Variants in KCNQ5 observed in about 807,000 individuals in gnomAD.
KCNQ5 encodes the protein potassium voltage-gated channel subfamily KQT member 5.
Under a neutral mutation model 98.2 loss-of-function variants are expected in KCNQ5, and 30 were observed. The observed-to-expected ratio is 0.31, with a 90% CI of 0.23 to 0.41. KCNQ5 has a LOEUF of 0.41. Ranked by LOEUF, KCNQ5 falls within the 10% of genes least tolerant of loss-of-function variation. KCNQ5 has a pLI of 1.00. For synonymous variants in KCNQ5, 458 were observed against 449.4 expected, an observed-to-expected ratio of 1.02 and a Z score of -0.24; for missense variants, 835 against 1,182.5, an observed-to-expected ratio of 0.71 and a Z score of 4.31.
Position 72,684,824 on chromosome 6 carries a change from G to C in KCNQ5, c.398+62237G>C, listed in dbSNP as rs750429321. 2.0e-5 allele frequency among the ~76,000 whole-genome samples: 3 copies of C among 152,192 alleles called. No homozygotes were observed. In the South Asian group the frequency reaches 6.2e-4, roughly 32 times the overall value. ...CTGGCATATGATAAAGAATGTGTGTGTATGCATTTGTGTCTGTGTGTGTGT... is the reference window on the plus strand; with the variant it reads ...CTGGCATATGATAAAGAATGTGTGTCTATGCATTTGTGTCTGTGTGTGTGT... On this transcript the variant is annotated intron_variant, in intron 1 of 13. Transcript: ENST00000370398.
chr6:72,995,846 C>T (rs1200101557), intron 1 of KCNQ5, among the ~76,000 whole-genome samples: 1 of 152,118 alleles, frequency 6.6e-6, no homozygotes, highest in African/African-American at 2.4e-5. Flanking sequence ...TCAATGGCGT[C>T]ATTTAGTTCT....
chr6:72,951,340 G>A (rs1054717579), intron 1 of KCNQ5, among the ~76,000 whole-genome samples: 6 of 151,942 alleles, frequency 3.9e-5, no homozygotes, highest in Non-Finnish European at 1.5e-5. Context: ...GCAGTGGTGC[G>A]ATCTCAGCTC....
chr6:73,191,512 G>A (rs148018076), intron 12 of KCNQ5, among the ~76,000 whole-genome samples: 192 of 152,230 alleles, frequency 1.3e-3, no homozygotes, highest in African/African-American at 4.3e-3. Flanking sequence ...TTTATTACCA[G>A]CACAAATTAC....
chr6:72,879,752 T>G (rs1169522462), intron 1 of KCNQ5, among the ~76,000 whole-genome samples: 6 of 152,170 alleles, frequency 3.9e-5, no homozygotes, highest in African/African-American at 1.4e-4. Context: ...TTGGAGGGGT[T>G]TTTTTGTGTG....
chr6:72,945,212 A>C (rs1295764246), intron 1 of KCNQ5, among the ~76,000 whole-genome samples: 1 of 152,170 alleles, frequency 6.6e-6, no homozygotes, highest in East Asian at 1.9e-4. Context: ...ATAATTTCCT[A>C]CAAATTTAAG....
At chr6:72,966,532 C>T (rs910858731) in intron 1 of KCNQ5, among the ~76,000 whole-genome samples, 2 of 151,892 alleles carry the variant, frequency 1.3e-5, no homozygotes, top group African/African-American at 4.8e-5. Flanking sequence ...CACCACACTG[C>T]ACTTCAGCCT....
chr6:72,730,113 C>T (rs922756628), intron 1 of KCNQ5, among the ~76,000 whole-genome samples: 1 of 152,254 alleles, frequency 6.6e-6, no homozygotes, highest in Admixed American at 6.5e-5. Flanking sequence ...GCTATGATCA[C>T]ACCACTGCAC....
At chr6:72,906,717 CT>C (rs1398284083) in intron 1 of KCNQ5, among the ~76,000 whole-genome samples, 1 of 152,250 alleles carries the variant, frequency 6.6e-6, no homozygotes, top group African/African-American at 2.4e-5. Context: ...CCCTTTCCCA[CT>C]TCCACATTTG....
intron 2 of KCNQ5, among the ~76,000 whole-genome samples, chr6:73,007,364 G>A (rs563673344): frequency 3.0e-4 from 46 of 152,082 alleles, no homozygotes; most frequent in Non-Finnish European, 4.9e-4. Context: ...TTAGCTGTGC[G>A]ACTTGGAAAA....
intron 10 of KCNQ5, among the ~76,000 whole-genome samples, chr6:73,149,320 G>A (rs990065074): frequency 6.6e-6 from 1 of 152,152 alleles, no homozygotes; most frequent in Non-Finnish European, 1.5e-5. Context: ...AAGATTTTTG[G>A]TTTTACCAAA....
At chr6:72,705,298 G>A (rs189192464) in intron 1 of KCNQ5, among the ~76,000 whole-genome samples, 3 of 152,196 alleles carry the variant, frequency 2.0e-5, no homozygotes, top group East Asian at 1.9e-4. Context: ...AGGTTAAACC[G>A]CAGAAAATAA....
At chr6:72,929,089 A>G (rs1006027127) in intron 1 of KCNQ5, among the ~76,000 whole-genome samples, 13 of 152,156 alleles carry the variant, frequency 8.5e-5, no homozygotes, top group Non-Finnish European at 1.5e-4. Context: ...CTAACCTCAT[A>G]AATGCTGACC....
At chr6:72,958,514 C>T (rs557387148) in intron 1 of KCNQ5, among the ~76,000 whole-genome samples, 3 of 152,268 alleles carry the variant, frequency 2.0e-5, no homozygotes, top group African/African-American at 7.2e-5. Flanking sequence ...ACTTTCTAGG[C>T]TCTCACTTTA....
rs9442840 is a variant in KCNQ5 at position 72,744,421 on chromosome 6, T to C, written c.398+121834T>C. Among the ~76,000 whole-genome samples, 794 of 152,316 alleles carry C rather than the reference T, an allele frequency of 5.2e-3. 12 individuals are homozygous for C. The highest frequency in any genetic ancestry group is 0.019 in the African/African-American group (772 of 41,564). ...ATTGAGAAGGGGAGATGTTCTGATC[T>C]GAAATAAATAAACATCAGAATACTT... is the stretch of plus-strand genomic sequence containing the variant. On this transcript the variant is annotated intron_variant, in intron 1 of 13. Coordinates refer to ENST00000370398, the MANE Select transcript of KCNQ5 (RefSeq NM_019842.4).
intron 1 of KCNQ5, among the ~76,000 whole-genome samples, chr6:72,953,771 A>G (rs150979162): frequency 1.3e-5 from 2 of 152,344 alleles, no homozygotes; most frequent in African/African-American, 4.8e-5. Context: ...CAAGATATGT[A>G]TGTTACAGAA....
At chr6:72,759,834 A>G (rs1347883276) in intron 1 of KCNQ5, among the ~76,000 whole-genome samples, 1 of 152,132 alleles carries the variant, frequency 6.6e-6, no homozygotes, top group Non-Finnish European at 1.5e-5. Flanking sequence ...ATATCAGTAA[A>G]GGGATAATGC....
At chr6:73,165,405 G>A (rs1777756022) in intron 10 of KCNQ5, among the ~76,000 whole-genome samples, 1 of 152,176 alleles carries the variant, frequency 6.6e-6, no homozygotes, top group South Asian at 2.1e-4. Flanking sequence ...CACCCAGCCT[G>A]TATATGAGTC....
At chr6:73,117,912 A>C (rs531210928) in intron 7 of KCNQ5, among the ~76,000 whole-genome samples, 2 of 152,370 alleles carry the variant, frequency 1.3e-5, no homozygotes, top group African/African-American at 4.8e-5. Flanking sequence ...CAAGATACTT[A>C]GCACAAATTT....
At chr6:72,896,635 A>T (rs560076909) in intron 1 of KCNQ5, among the ~76,000 whole-genome samples, 7 of 152,182 alleles carry the variant, frequency 4.6e-5, no homozygotes, top group Admixed American at 6.5e-5. Context: ...TGCTTGTCCC[A>T]GTATAAATTT....
Sources: allele counts gnomAD v4.1 joint callset (sites outside exome capture counted in the v4.1 genomes callset), GRCh38; gene constraint gnomAD v4.1.1; transcripts MANE v1.5; gene names NCBI Gene and HGNC (gene_info 2026-07-23, HGNC 2026-07-21).